Variants in TBC1D21 observed in about 807,000 individuals in gnomAD.
TBC1D21 encodes the protein male germ cell Rab GTPase-activating protein.
A neutral mutation model predicts 46.0 loss-of-function variants in TBC1D21; 38 were observed. That is an observed-to-expected ratio of 0.83 (90% CI 0.64 to 1.08). TBC1D21 has a LOEUF of 1.08. Among genes scored for constraint, TBC1D21 ranks in the 50% least tolerant of loss-of-function variants. TBC1D21 has a pLI of 0.00. For synonymous variants in TBC1D21, 151 were observed against 157.2 expected (o/e 0.96, Z 0.29); for missense variants, 415 against 417.9 (o/e 0.99, Z 0.06).
At chr15:73,894,113 T>A (rs1221689180), downstream of TBC1D21, among the ~76,000 whole-genome samples, 1 of 152,216 alleles carries the variant, frequency 6.6e-6, no homozygotes, top group African/African-American at 2.4e-5. Context: ...CAGCTAGTGA[T>A]TTGCCAAGTC....
downstream of TBC1D21, among the ~76,000 whole-genome samples, chr15:73,890,976 C>T (rs1288315390): frequency 2.6e-5 from 4 of 152,036 alleles, no homozygotes; most frequent in African/African-American, 9.7e-5. Flanking sequence ...GTCTTAAGGA[C>T]GAGGTGGATT....
At chr15:73,879,102 G>A (rs1450259309) in intron 1 of TBC1D21, among the ~76,000 whole-genome samples, 2 of 152,210 alleles carry the variant, frequency 1.3e-5, no homozygotes, top group African/African-American at 2.4e-5. Flanking sequence ...TTAAAAATGT[G>A]TTTCTCAATC....
intron 3 of TBC1D21, among the ~76,000 whole-genome samples, chr15:73,883,748 A>C (rs1166308628): frequency 6.6e-6 from 1 of 152,136 alleles, no homozygotes; most frequent in Non-Finnish European, 1.5e-5. Flanking sequence ...ATGAGGACAA[A>C]ACACCGCCTC....
chr15:73,905,398 C>A, the TBC1D21 span, among the ~76,000 whole-genome samples: 5 of 152,160 alleles, frequency 3.3e-5, no homozygotes, highest in African/African-American at 1.2e-4. Context: ...CTTAAATCAA[C>A]CTGAGAAAGG....
chr15:73,882,470 C>G (rs1236367367), intron 3 of TBC1D21, among the ~76,000 whole-genome samples: 2 of 152,122 alleles, frequency 1.3e-5, no homozygotes, highest in East Asian at 3.9e-4. Flanking sequence ...TATCATCTGC[C>G]TATCAGTAGC....
the TBC1D21 span, among the ~76,000 whole-genome samples, chr15:73,907,064 T>G: frequency 6.6e-6 from 1 of 152,108 alleles, no homozygotes; most frequent in African/African-American, 2.4e-5. Flanking sequence ...AGCAGACAAC[T>G]GGGCATCTCT....
At chr15:73,898,880 A>AAAAAAAAAAAAAT in the TBC1D21 span, among the ~76,000 whole-genome samples, 19 of 56,792 alleles carry the variant, frequency 3.3e-4, 1 homozygote, top group East Asian at 7.3e-4. Flanking sequence ...AAAAAAAAAA[A>AAAAAAAAAAAAAT]ATATATATAT....
At chr15:73,907,538 T>C in the TBC1D21 span, among the ~76,000 whole-genome samples, 1 of 152,184 alleles carries the variant, frequency 6.6e-6, no homozygotes, top group Non-Finnish European at 1.5e-5. Context: ...CTAAGATCTT[T>C]CCAATAAATT....
chr15:73,886,041 A>C, intron 6 of TBC1D21, 37 bp from the exon 7 acceptor site: 1 of 1,594,532 alleles, frequency 6.3e-7, no homozygotes, highest in Non-Finnish European at 8.6e-7. Flanking sequence ...CCTTGAAGCC[A>C]AGGGGGACTC....
intron 3 of TBC1D21, among the ~76,000 whole-genome samples, chr15:73,882,305 A>G (rs2068170339): frequency 6.6e-6 from 1 of 152,112 alleles, no homozygotes; most frequent in Non-Finnish European, 1.5e-5. Flanking sequence ...TCCTGATCCT[A>G]GCTCCACATC....
At chr15:73,876,417 T>G (rs1397166924) in intron 1 of TBC1D21, among the ~76,000 whole-genome samples, 23 of 145,856 alleles carry the variant, frequency 1.6e-4, no homozygotes, top group African/African-American at 5.3e-4. Flanking sequence ...TTTTTTTGTA[T>G]TTTTTTTAGT....
At chr15:73,907,010 T>C in the TBC1D21 span, among the ~76,000 whole-genome samples, 1 of 152,164 alleles carries the variant, frequency 6.6e-6, no homozygotes, top group African/African-American at 2.4e-5. Context: ...ATGCAAAGCT[T>C]GCTGCAGAGA....
the TBC1D21 span, among the ~76,000 whole-genome samples, chr15:73,896,259 A>C: frequency 6.6e-6 from 1 of 152,120 alleles, no homozygotes; most frequent in Admixed American, 6.5e-5. Context: ...GACAGAGGTC[A>C]TGTTAGTGGC....
chr15:73,909,991 T>C, the TBC1D21 span: 1 of 152,136 alleles, frequency 6.6e-6, no homozygotes. Context: ...TTCTGTGAGA[T>C]GCTCCAAGAT....
At chr15:73,900,338 A>T in the TBC1D21 span, among the ~76,000 whole-genome samples, 3 of 152,054 alleles carry the variant, frequency 2.0e-5, no homozygotes, top group African/African-American at 7.2e-5. Flanking sequence ...TCCCCACCAC[A>T]CCCTTGGCTG....
chr15:73,885,967 CACAG>C (rs1169210844), intron 6 of TBC1D21, 107 bp from the exon 7 acceptor site: 2 of 797,934 alleles, frequency 2.5e-6, no homozygotes, highest in Non-Finnish European at 4.2e-6. Context: ...GGGCCCAGCG[CACAG>C]ACAGACACAC....
chr15:73,905,595 T>C, the TBC1D21 span, among the ~76,000 whole-genome samples: 1 of 152,238 alleles, frequency 6.6e-6, no homozygotes, highest in Non-Finnish European at 1.5e-5. Context: ...TGTTGATAGC[T>C]TGAAATTGGC....
At chr15:73,885,576 G>A (rs2068230040) in intron 6 of TBC1D21, among the ~76,000 whole-genome samples, 1 of 152,024 alleles carries the variant, frequency 6.6e-6, no homozygotes, top group Non-Finnish European at 1.5e-5. Flanking sequence ...CCAAGTTGAG[G>A]GGTTTTGAAG....
At chr15:73,904,447 T>A in the TBC1D21 span, among the ~76,000 whole-genome samples, 2 of 152,216 alleles carry the variant, frequency 1.3e-5, no homozygotes, top group Non-Finnish European at 2.9e-5. Context: ...TTGTCTGAAA[T>A]CGGCTATGGC....
Sources: gnomAD v4.1 joint callset for allele counts (sites outside exome capture counted in the v4.1 genomes callset) on GRCh38, gnomAD v4.1.1 for gene constraint, MANE v1.5 for transcripts, NCBI Gene and HGNC (gene_info 2026-07-23, HGNC 2026-07-21) for gene names.